The following RASGEF1A variants were observed in gnomAD, a reference collection of about 807,000 sequenced individuals.
The protein encoded by RASGEF1A is RasGEF domain family member 1A.
A neutral mutation model predicts 56.4 loss-of-function variants in RASGEF1A; 18 were observed. The observed-to-expected ratio is 0.32, with a 90% confidence interval of 0.22 to 0.47. The LOEUF (loss-of-function observed/expected upper bound fraction) is 0.47. RASGEF1A is among the 20% of genes least tolerant of loss of function. The probability of loss-of-function intolerance (pLI) is 1.00; values close to 1 mark genes in which losing one functional copy is unlikely to be tolerated. For synonymous variants in RASGEF1A, 245 were observed against 242.6 expected (o/e 1.01, Z -0.09); for missense variants, 422 against 627.1 (o/e 0.67, Z 3.49).
chr10:43,236,843 G>A (rs2133214805), intron 1 of RASGEF1A, among the ~76,000 whole-genome samples: 1 of 152,316 alleles, frequency 6.6e-6, no homozygotes, highest in Admixed American at 6.5e-5. Flanking sequence ...CTGCCTGAGA[G>A]CTCACACCTG....
At chr10:43,239,999 C>G (rs146320159) in intron 1 of RASGEF1A, among the ~76,000 whole-genome samples, 483 of 152,304 alleles carry the variant, frequency 3.2e-3, no homozygotes, top group African/African-American at 0.011. Context: ...TCTAGAAGGT[C>G]AAGTGCATGC....
intron 1 of RASGEF1A, among the ~76,000 whole-genome samples, chr10:43,225,543 A>G (rs1015339704): frequency 1.6e-4 from 22 of 141,148 alleles, no homozygotes; most frequent in Non-Finnish European, 2.3e-4. Context: ...GTGTGCACCT[A>G]TGTGTGTCTC....
intron 1 of RASGEF1A, chr10:43,229,880 G>A (rs1840339092): frequency 3.7e-6 from 2 of 544,910 alleles, no homozygotes; most frequent in Admixed American, 4.5e-5. Flanking sequence ...AACGCGGGGC[G>A]GGGCCGAGGC....
At chr10:43,240,112 G>C (rs1366784051) in intron 1 of RASGEF1A, among the ~76,000 whole-genome samples, 1 of 152,230 alleles carries the variant, frequency 6.6e-6, no homozygotes, top group African/African-American at 2.4e-5. Flanking sequence ...GACTAAGGCA[G>C]AGTTATCAGC....
At chr10:43,265,237 G>A (rs1218282134) in intron 1 of RASGEF1A, among the ~76,000 whole-genome samples, 2 of 152,232 alleles carry the variant, frequency 1.3e-5, no homozygotes. Flanking sequence ...AGGTGGAAGG[G>A]AGCCATCCGG....
chr10:43,245,301 G>A (rs1588949218), intron 1 of RASGEF1A, among the ~76,000 whole-genome samples: 4 of 152,200 alleles, frequency 2.6e-5, no homozygotes, highest in South Asian at 4.1e-4. Flanking sequence ...AAAACTTCTT[G>A]CCCACAAAGA....
In RASGEF1A at chr10:43,196,874, G is replaced by A; in HGVS notation, c.1348+102C>T. The stretch of plus-strand genomic sequence containing the variant: ...CAGAGCCAGCCCTGTGTGGCATGGA[G>A]CAGCCAGCAGGCCATCTCCCAGGGC... On this transcript the variant is annotated intron_variant, in intron 11 of 12. Transcript: ENST00000395810. This position sits in a 1 kb window ranked among gnomAD's most constrained non-coding sequence, Gnocchi z 4.6. 1 of 1,420,708 alleles carries A rather than the reference G, an allele frequency of 7.0e-7. No individual in the cohort carries two copies. 88.0% of individuals were successfully genotyped at this position (1,420,708 alleles called of 1,614,324 possible). A position where few individuals can be genotyped will look rare whatever the true frequency, so the allele number is the denominator to read the frequency against.
intron 2 of RASGEF1A, among the ~76,000 whole-genome samples, chr10:43,205,519 G>A (rs1244585220): frequency 1.3e-5 from 2 of 152,138 alleles, no homozygotes; most frequent in African/African-American, 2.4e-5. Context: ...GCTCAGCCCT[G>A]GGCTCCAGGA....
At chr10:43,204,194 C>T (rs951768730) in intron 2 of RASGEF1A, among the ~76,000 whole-genome samples, 4 of 151,992 alleles carry the variant, frequency 2.6e-5, no homozygotes, top group Admixed American at 1.3e-4. Context: ...CTAGGGCTTC[C>T]TAGAGGGACT....
rs967505167 is a variant in RASGEF1A, at chr10:43,229,123, TCG to T, written c.-6-23003_-6-23002del. ...GCCCTCGCCCTGGAGCGCACACTCC[TCG>T]AAGCCCCACGGTGGGCTCCACTCTC... On this transcript the variant is annotated intron_variant, in intron 1 of 12. Coordinates refer to ENST00000395810, the MANE Select transcript of RASGEF1A (RefSeq NM_145313.4). Among the ~76,000 whole-genome samples, 44 of 152,292 alleles carry T rather than the reference TCG, an allele frequency of 2.9e-4. 1 individual carries two copies. The highest frequency in any genetic ancestry group is 1.1e-3 in the African/African-American group (44 of 41,564).
chr10:43,203,491 C>T, intron 2 of RASGEF1A, 71 bp from the exon 3 acceptor site: 5 of 1,453,388 alleles, frequency 3.4e-6, no homozygotes, highest in African/African-American at 1.4e-5. Context: ...CGCGCTGCTT[C>T]ACCTGGCCCG....
chr10:43,251,886 G>A (rs12244414), intron 1 of RASGEF1A, among the ~76,000 whole-genome samples: 3,596 of 152,314 alleles, frequency 0.024, 135 homozygotes, highest in African/African-American at 0.081. Context: ...GCTGTTGTCA[G>A]GTTCGGAAGG....
chr10:43,237,749 T>C (rs1167884498), intron 1 of RASGEF1A, among the ~76,000 whole-genome samples: 2 of 152,014 alleles, frequency 1.3e-5, no homozygotes, highest in African/African-American at 4.8e-5. Context: ...ACTCAGCTGC[T>C]ACTCCTCAGG....
intron 1 of RASGEF1A, among the ~76,000 whole-genome samples, chr10:43,249,673 GC>G (rs1469233172): frequency 6.6e-6 from 1 of 152,226 alleles, no homozygotes; most frequent in Non-Finnish European, 1.5e-5. Context: ...ACCCTGGCTG[GC>G]CCTGGGGCTT....
intron 1 of RASGEF1A, chr10:43,206,984 T>A (rs76491404): frequency 0.056 from 55,428 of 985,404 alleles, 1,641 homozygotes; most frequent in South Asian, 0.093. Context: ...GCTCAGGGTC[T>A]CACCACACCC....
intron 1 of RASGEF1A, among the ~76,000 whole-genome samples, chr10:43,262,722 G>A (rs1836557356): frequency 6.6e-6 from 1 of 152,246 alleles, no homozygotes. Flanking sequence ...GGAAAGTTCA[G>A]GAAGGCACCC....
chr10:43,265,972 G>A (rs948465042), intron 1 of RASGEF1A, among the ~76,000 whole-genome samples: 3 of 152,236 alleles, frequency 2.0e-5, no homozygotes, highest in Admixed American at 2.0e-4. Context: ...GTGGTGGGGA[G>A]GGTGAACCAG....
At position 43,200,742 on chromosome 10, in the gene RASGEF1A, T is replaced by G; in HGVS notation, c.606A>C (p.Pro202=). The G allele has an allele frequency of 6.2e-7, 1 of 1,613,876 alleles. No homozygotes were observed. Among genetic ancestry groups the G allele is most frequent in the Non-Finnish European group, 8.5e-7 (1 of 1,180,022 alleles). ...DKGPILKTKP[P]AAQKDILGVC... ...CGCCCAGGATGTCCTTCTGGGCGGC[T>G]GGTGGCTTGGTCTTGAGGATGGGCC... Residue 202 remains proline, a synonymous_variant, in exon 5 of 13, where the codon CCA becomes CCC. Transcript: ENST00000395810.
intron 1 of RASGEF1A, among the ~76,000 whole-genome samples, chr10:43,265,941 G>A (rs1836614758): frequency 6.6e-6 from 1 of 152,266 alleles, no homozygotes; most frequent in South Asian, 2.1e-4. Context: ...TCCTGCGCAG[G>A]ACAGTGGGAG....
Sources: gnomAD v4.1 joint callset for allele counts (sites outside exome capture counted in the v4.1 genomes callset) on GRCh38, gnomAD v4.1.1 for gene constraint, Gnocchi (gnomAD v3.1) non-coding constraint, MANE v1.5 for transcripts, NCBI Gene and HGNC (gene_info 2026-07-23, HGNC 2026-07-21) for gene names.